SMYD3: variants seen among roughly 807,000 people sequenced by gnomAD.
The protein encoded by SMYD3 is SET and MYND domain containing 3.
A neutral mutation model predicts 57.7 loss-of-function variants in SMYD3; 36 were observed. The ratio of observed to expected loss-of-function variants is 0.62; its 90% CI spans 0.48 to 0.82. SMYD3 has a LOEUF of 0.82. Among genes scored for constraint, SMYD3 ranks in the 40% least tolerant of loss-of-function variants. The probability of loss-of-function intolerance (pLI) is 0.00; values close to 1 mark genes in which losing one functional copy is unlikely to be tolerated. For synonymous variants in SMYD3, 211 were observed against 195.0 expected (o/e 1.08, Z -0.68); for missense variants, 515 against 538.8 (o/e 0.96, Z 0.44).
In SMYD3 at chr1:245,971,463, G is replaced by A. The variant is rs113479965; in HGVS notation, c.532-41526C>T. Among the ~76,000 whole-genome samples the A allele has an allele frequency of 9.6e-4, 146 of 151,908 alleles. 1 individual carries two copies. Among genetic ancestry groups the A allele is most frequent in the African/African-American group, 3.1e-3 (129 of 41,392 alleles). ...AGTATAATTAAAAAAAAAAATCAATGTGTCATTTGAGTAGCTCATTGCACC... is the reference window on the plus strand; with the variant it reads ...AGTATAATTAAAAAAAAAAATCAATATGTCATTTGAGTAGCTCATTGCACC... On this transcript the variant is annotated intron_variant, in intron 5 of 11. Transcript: ENST00000490107.
At chr1:246,113,775 G>C (rs1016785501) in intron 5 of SMYD3, 1 of 152,192 alleles carries the variant, frequency 6.6e-6, no homozygotes, top group Admixed American at 6.5e-5. Flanking sequence ...AACACAGGCA[G>C]ACTTCAGAAA....
chr1:246,324,963 G>A (rs1333908019), intron 5 of SMYD3, among the ~76,000 whole-genome samples: 1 of 140,206 alleles, frequency 7.1e-6, no homozygotes, highest in Non-Finnish European at 1.5e-5. Flanking sequence ...GATCTTTCAT[G>A]AACAAGGAAG....
At chr1:246,397,834 G>T (rs1417324188) in intron 1 of SMYD3, among the ~76,000 whole-genome samples, 1 of 151,326 alleles carries the variant, frequency 6.6e-6, no homozygotes, top group Non-Finnish European at 1.5e-5. Context: ...GGTTTGGGAT[G>T]AAATCATAGG....
chr1:246,454,612 G>GGCC (rs2067675353), intron 1 of SMYD3, among the ~76,000 whole-genome samples: 1 of 151,780 alleles, frequency 6.6e-6, no homozygotes, highest in South Asian at 2.1e-4. Flanking sequence ...AACTGATGAG[G>GGCC]GATTATTAAA....
chr1:246,367,730 C>G (rs780768502), intron 1 of SMYD3, among the ~76,000 whole-genome samples: 1 of 151,756 alleles, frequency 6.6e-6, no homozygotes, highest in African/African-American at 2.4e-5. Context: ...CCATGCCCAG[C>G]CAAAAAATAA....
At chr1:246,344,314 T>C (rs186195937) in intron 2 of SMYD3, among the ~76,000 whole-genome samples, 85 of 152,360 alleles carry the variant, frequency 5.6e-4, no homozygotes, top group Non-Finnish European at 7.3e-4. Context: ...AGTGGTTTTG[T>C]CTCTATAATT....
intron 1 of SMYD3, among the ~76,000 whole-genome samples, chr1:246,398,177 T>A (rs192628319): frequency 2.0e-5 from 3 of 152,338 alleles, no homozygotes; most frequent in Admixed American, 6.5e-5. Flanking sequence ...TATCCCTACA[T>A]CTCAGCAGAA....
intron 1 of SMYD3, among the ~76,000 whole-genome samples, chr1:246,433,567 G>A (rs568166273): frequency 4.6e-5 from 7 of 152,212 alleles, no homozygotes; most frequent in South Asian, 2.1e-4. Context: ...AGGTTGAGGC[G>A]GGAGAATTGC....
intron 5 of SMYD3, among the ~76,000 whole-genome samples, chr1:246,270,532 T>C (rs886088026): frequency 6.6e-6 from 1 of 152,230 alleles, no homozygotes; most frequent in Non-Finnish European, 1.5e-5. Context: ...TCTAAGATTT[T>C]GACTCCTCTA....
intron 5 of SMYD3, among the ~76,000 whole-genome samples, chr1:246,116,342 C>G (rs1418309882): frequency 6.6e-6 from 1 of 152,034 alleles, no homozygotes; most frequent in South Asian, 2.1e-4. Context: ...GAGGAGGTTT[C>G]TTTCACAGCT....
chr1:246,046,172 A>ATATGTATGTT (rs1206312582), intron 5 of SMYD3, among the ~76,000 whole-genome samples: 1 of 152,208 alleles, frequency 6.6e-6, no homozygotes, highest in Non-Finnish European at 1.5e-5. Context: ...AGACACATGC[A>ATATGTATGTT]TACGTATGTT....
chr1:245,825,687 A>C (rs1270559381), intron 10 of SMYD3, among the ~76,000 whole-genome samples: 4 of 152,098 alleles, frequency 2.6e-5, no homozygotes, highest in African/African-American at 9.7e-5. Flanking sequence ...GTGAGAGAGG[A>C]ATTGATGAGC....
At chr1:246,306,579 C>T (rs756079849) in intron 5 of SMYD3, among the ~76,000 whole-genome samples, 6 of 152,074 alleles carry the variant, frequency 3.9e-5, no homozygotes, top group Non-Finnish European at 8.8e-5. Flanking sequence ...TAAGAGATCA[C>T]ACAATACATA....
chr1:245,791,627 A>G (rs2047275489), intron 10 of SMYD3, among the ~76,000 whole-genome samples: 1 of 142,290 alleles, frequency 7.0e-6, no homozygotes, highest in African/African-American at 2.6e-5. Flanking sequence ...AGAGGGGGGC[A>G]GACAGGGGGC....
intron 8 of SMYD3, among the ~76,000 whole-genome samples, chr1:245,878,963 G>A (rs553652687): frequency 6.6e-6 from 1 of 152,286 alleles, no homozygotes; most frequent in South Asian, 2.1e-4. Context: ...CTACAGTTTA[G>A]CCCATGAAAC....
chr1:246,417,109 C>G (rs1041820085), intron 1 of SMYD3, among the ~76,000 whole-genome samples: 1 of 152,140 alleles, frequency 6.6e-6, no homozygotes, highest in Non-Finnish European at 1.5e-5. Flanking sequence ...ACTTGTGGGT[C>G]CCATTCAGTT....
chr1:246,174,008 T>C (rs1002859660), intron 5 of SMYD3, among the ~76,000 whole-genome samples: 3 of 152,086 alleles, frequency 2.0e-5, no homozygotes, highest in Non-Finnish European at 4.4e-5. Context: ...CAGGGTCTCA[T>C]TATGCTACTC....
At chr1:246,241,404 G>T (rs1485208999) in intron 5 of SMYD3, among the ~76,000 whole-genome samples, 1 of 152,126 alleles carries the variant, frequency 6.6e-6, no homozygotes, top group African/African-American at 2.4e-5. Flanking sequence ...TTATTGATTT[G>T]CGTATGTTGA....
intron 5 of SMYD3, among the ~76,000 whole-genome samples, chr1:246,088,850 T>C (rs1484511018): frequency 6.6e-6 from 1 of 152,216 alleles, no homozygotes; most frequent in Admixed American, 6.5e-5. Flanking sequence ...GTTTTTATCT[T>C]TATGAAATTT....
Sources: gnomAD v4.1 joint callset for allele counts (sites outside exome capture counted in the v4.1 genomes callset) on GRCh38, gnomAD v4.1.1 for gene constraint, MANE v1.5 for transcripts, NCBI Gene and HGNC (gene_info 2026-07-23, HGNC 2026-07-21) for gene names.